Variants in ZMYND8 observed in about 807,000 individuals in gnomAD.
ZMYND8 encodes the protein zinc finger MYND-type containing 8.
A neutral mutation model predicts 140.8 loss-of-function variants in ZMYND8; 37 were observed. That is an observed-to-expected ratio of 0.26 (90% CI 0.20 to 0.35). The LOEUF (loss-of-function observed/expected upper bound fraction) is 0.35, where lower values mean the gene tolerates loss of function less well. Ranked by LOEUF, ZMYND8 falls within the 10% of genes least tolerant of loss-of-function variation. The pLI, the probability that ZMYND8 is intolerant of heterozygous loss-of-function variation, is 1.00. For synonymous variants in ZMYND8, 592 were observed against 597.1 expected (o/e 0.99, Z 0.12); for missense variants, 1,068 against 1,570.0 (o/e 0.68, Z 5.40).
At chr20:47,339,697 C>T (rs940635037) in intron 2 of ZMYND8, among the ~76,000 whole-genome samples, 7 of 152,082 alleles carry the variant, frequency 4.6e-5, no homozygotes, top group Admixed American at 6.6e-5. Flanking sequence ...AGGATGGTCT[C>T]GATCTCCTTA....
intron 2 of ZMYND8, among the ~76,000 whole-genome samples, chr20:47,325,046 A>G (rs1027155028): frequency 6.6e-6 from 1 of 152,146 alleles, no homozygotes; most frequent in Non-Finnish European, 1.5e-5. Flanking sequence ...CTGGGACTAC[A>G]GGCGTGCGCC....
intron 7 of ZMYND8, 64 bp downstream of exon 7, chr20:47,290,123 G>A: frequency 9.5e-6 from 14 of 1,466,622 alleles, no homozygotes; most frequent in Non-Finnish European, 1.2e-5. Flanking sequence ...TTTTCATGAA[G>A]GACAGGAATT....
rs1019725882 is a variant in ZMYND8, at chr20:47,213,751, T to A, written c.3485-1026A>T. On this transcript the variant is annotated intron_variant, in intron 21 of 22. Transcript: ENST00000471951. ...CAAGGTAGCACATAAAATAGCAACCTCAGTAGTGTGGGAAGAGGAAGAGAA... is the reference window on the plus strand; with the variant it reads ...CAAGGTAGCACATAAAATAGCAACCACAGTAGTGTGGGAAGAGGAAGAGAA... Among the ~76,000 whole-genome samples, 16 of 152,128 alleles carry A rather than the reference T, an allele frequency of 1.1e-4. 1 individual carries two copies. The highest frequency in any genetic ancestry group is 3.9e-4 in the African/African-American group (16 of 41,398).
At chr20:47,250,530 C>CTA in intron 12 of ZMYND8, among the ~76,000 whole-genome samples, 1 of 152,226 alleles carries the variant, frequency 6.6e-6, no homozygotes, top group East Asian at 1.9e-4. Context: ...TATCAGGTTG[C>CTA]TCCCTGGACT....
intron 7 of ZMYND8, 48 bp downstream of exon 7, chr20:47,290,129 GAATTTGTGCA>G: frequency 6.7e-7 from 1 of 1,493,852 alleles, no homozygotes; most frequent in African/African-American, 1.4e-5. Context: ...TGAAGGACAG[GAATTTGTGCA>G]ACACATACAC....
At chr20:47,228,518 C>T (rs1342385803) in intron 17 of ZMYND8, among the ~76,000 whole-genome samples, 5 of 152,192 alleles carry the variant, frequency 3.3e-5, no homozygotes, top group Non-Finnish European at 7.4e-5. Context: ...ATTCTTACAA[C>T]GTATACAAAC....
chr20:47,319,237 T>C (rs2079703051), intron 2 of ZMYND8: 1 of 363,472 alleles, frequency 2.8e-6, no homozygotes, highest in African/African-American at 2.1e-5. Flanking sequence ...TCGCCTATAA[T>C]TTATCACCCT....
intron 12 of ZMYND8, among the ~76,000 whole-genome samples, chr20:47,256,565 A>G (rs1427420182): frequency 6.6e-6 from 1 of 152,208 alleles, no homozygotes; most frequent in Non-Finnish European, 1.5e-5. Context: ...GCTTACAGTG[A>G]GCCGAGATCG....
rs961716825 is a variant in ZMYND8, at chr20:47,238,942, C to T, written c.2481G>A (p.Pro827=). The change falls in exon 15 of 23, where the codon CCG becomes CCA. Residue 827 remains proline, a synonymous_variant. Coordinates refer to ENST00000471951, the MANE Select transcript of ZMYND8 (RefSeq NM_001281775.3). ...SPVKKQRPLL[P]KETAPAVQRV... ...GCTGCACGGCCGGGGCAGTCTCCTT[C>T]GGTAAAAGCGGCCTCTGCTTTTTCA... The T allele has an allele frequency of 2.5e-6, 4 of 1,613,664 alleles. No individual in the cohort carries two copies. The African/African-American group carries it at 4.0e-5, about 16-fold the overall frequency.
At chr20:47,318,836 G>T in intron 2 of ZMYND8, 1 of 723,000 alleles carries the variant, frequency 1.4e-6, no homozygotes, top group African/African-American at 1.8e-5. Context: ...TGGAAATGAG[G>T]CTGTGGAATG....
At chr20:47,261,585 TCATC>T (rs1569025845) in intron 12 of ZMYND8, among the ~76,000 whole-genome samples, 5 of 144,770 alleles carry the variant, frequency 3.5e-5, no homozygotes, top group Non-Finnish European at 7.6e-5. Flanking sequence ...ATCATCATCA[TCATC>T]ATCATCCAGG....
chr20:47,212,721 G>A lies in ZMYND8; in HGVS notation c.3489C>T (p.Ser1163=), dbSNP rs756130722. 1.2e-6 allele frequency: 2 copies of A among 1,611,242 alleles called. No individual in the cohort carries two copies. Among genetic ancestry groups the A allele is most frequent in the Non-Finnish European group, 1.7e-6 (2 of 1,178,018 alleles). Residue 1163 remains serine, a synonymous_variant, in exon 22 of 23, where the codon AGC becomes AGT. Transcript: ENST00000471951. ...AGGCAGGTTGCTTGTCACACCTTTT[G>A]CTAACTGAAGAGATAGCACAGGTAG... is the stretch of plus-strand genomic sequence containing the variant. The part of the protein sequence containing the change: ...ILLGSNQGSV[S]KRCDKQPAYA...
At chr20:47,309,952 A>G in intron 3 of ZMYND8, 104 bp downstream of exon 3, 1 of 1,481,310 alleles carries the variant, frequency 6.8e-7, no homozygotes, top group Non-Finnish European at 9.3e-7. Context: ...CAAGGCAGCT[A>G]ACTAAATCCA....
At chr20:47,338,987 T>G (rs1029757130) in intron 2 of ZMYND8, among the ~76,000 whole-genome samples, 23 of 151,162 alleles carry the variant, frequency 1.5e-4, no homozygotes, top group Non-Finnish European at 3.1e-4. Flanking sequence ...TTTTTTTTTT[T>G]TGTGAGACAG....
At chr20:47,344,861 C>T (rs1005606688) in intron 2 of ZMYND8, among the ~76,000 whole-genome samples, 1 of 151,990 alleles carries the variant, frequency 6.6e-6, no homozygotes, top group Non-Finnish European at 1.5e-5. Flanking sequence ...GCCTATAATC[C>T]CAGCACTTTG....
chr20:47,345,458 T>C (rs2082257367), intron 2 of ZMYND8, among the ~76,000 whole-genome samples: 1 of 150,180 alleles, frequency 6.7e-6, no homozygotes, highest in Non-Finnish European at 1.5e-5. Context: ...GGAAGGGTAC[T>C]GGAAAATCAT....
intron 2 of ZMYND8, among the ~76,000 whole-genome samples, chr20:47,332,948 C>T (rs1487160234): frequency 6.6e-6 from 1 of 152,136 alleles, no homozygotes; most frequent in Admixed American, 6.5e-5. Context: ...TGTAGCATAT[C>T]CATCCAATGC....
chr20:47,331,102 T>G (rs115534354), intron 2 of ZMYND8, among the ~76,000 whole-genome samples: 1 of 151,796 alleles, frequency 6.6e-6, no homozygotes, highest in African/African-American at 2.4e-5. Flanking sequence ...ACGGAGAGAA[T>G]GGAACACAGA....
rs61734622 is a variant in ZMYND8 at position 47,262,407 on chromosome 20, G to A, written c.1502C>T (p.Thr501Met). The change falls in exon 12 of 23, where the codon ACG (threonine) becomes ATG (methionine). Residue 501 changes from threonine to methionine, a missense_variant. Transcript: ENST00000471951. ...GCCGGATAAACTCCCTGCTTGTCCC[G>A]TCTTGGTGGAGGCTGGTGAAGCTGA... ...KSTASPASTKTGQAGSLSGSP... is the reference protein window; with the variant it reads ...KSTASPASTKMGQAGSLSGSP... The A allele has an allele frequency of 3.0e-4, 483 of 1,614,070 alleles. 1 individual carries two copies. The highest frequency in any genetic ancestry group is 3.0e-4 in the Admixed American group (18 of 59,988).
Sources: gnomAD v4.1 joint callset for allele counts (sites outside exome capture counted in the v4.1 genomes callset) on GRCh38, gnomAD v4.1.1 for gene constraint, MANE v1.5 for transcripts, NCBI Gene and HGNC (gene_info 2026-07-23, HGNC 2026-07-21) for gene names.